The following FABP7 variants were observed in gnomAD, a reference collection of about 807,000 sequenced individuals.
FABP7 encodes the protein fatty acid-binding protein, brain.
In FABP7, 13 loss-of-function variants were observed where a neutral mutation model predicts 14.2. The ratio of observed to expected loss-of-function variants is 0.91; its 90% CI spans 0.59 to 1.45. The LOEUF is 1.45. Among genes scored for constraint, FABP7 ranks in the 40% most tolerant of loss-of-function variants. The pLI, the probability that FABP7 is intolerant of heterozygous loss-of-function variation, is 0.00. For synonymous variants in FABP7, 49 were observed against 51.4 expected (o/e 0.95, Z 0.20); for missense variants, 149 against 157.6 (o/e 0.95, Z 0.29).
At chr6:122,778,762 C>T (rs900745396), upstream of FABP7, among the ~76,000 whole-genome samples, 6 of 152,184 alleles carry the variant, frequency 3.9e-5, no homozygotes, top group Non-Finnish European at 7.3e-5. Flanking sequence ...TCCTCCAGTT[C>T]CTGCCCTTCC....
chr6:122,777,773 G>A (rs1295323624), upstream of FABP7, among the ~76,000 whole-genome samples: 3 of 151,908 alleles, frequency 2.0e-5, no homozygotes, highest in Non-Finnish European at 2.9e-5. Flanking sequence ...CACTTGAGTC[G>A]TGGAGGTTGC....
chr6:122,782,463 CTGTT>C, intron 3 of FABP7: 1 of 924,470 alleles, frequency 1.1e-6, no homozygotes, highest in Non-Finnish European at 1.3e-6. Flanking sequence ...ACTTTTTCCT[CTGTT>C]TTTGTCCTAA....
chr6:122,769,741 G>A, the FABP7 span, among the ~76,000 whole-genome samples: 1 of 152,040 alleles, frequency 6.6e-6, no homozygotes, highest in African/African-American at 2.4e-5. Flanking sequence ...TTAACAAATT[G>A]AGGAGTACAA....
At position 122,783,134 on chromosome 6, in the gene FABP7, A is replaced by G. The variant is rs147103128; in HGVS notation, c.349-583A>G. On this transcript the variant is annotated intron_variant, in intron 3 of 3. Coordinates refer to ENST00000368444, the MANE Select transcript of FABP7 (RefSeq NM_001446.5). ...TAAAGTGGTTTTATAATAACTCTTC[A>G]AGTTAGATTTGACATTAGAGTAATA... The G allele has an allele frequency of 1.1e-3, 1,084 of 985,424 alleles. 7 individuals are homozygous for G. The African/African-American group carries it at 0.015, about 14-fold the overall frequency. 61.0% of individuals were successfully genotyped at this position (985,424 alleles called of 1,614,324 possible).
chr6:122,771,065 GT>G, the FABP7 span, among the ~76,000 whole-genome samples: 1 of 152,184 alleles, frequency 6.6e-6, no homozygotes, highest in Non-Finnish European at 1.5e-5. Flanking sequence ...ATATGGTGTG[GT>G]TTTGGAATCA....
chr6:122,779,912 T>G, intron 1 of FABP7, 45 bp downstream of exon 1: 1 of 1,576,850 alleles, frequency 6.3e-7, no homozygotes, highest in Non-Finnish European at 8.7e-7. Flanking sequence ...ACGTGCAGCT[T>G]TAGATATTTG....
chr6:122,757,634 G>A, the FABP7 span, among the ~76,000 whole-genome samples: 1 of 151,882 alleles, frequency 6.6e-6, no homozygotes, highest in Non-Finnish European at 1.5e-5. Flanking sequence ...ATGAGAAGTT[G>A]AGTCAGTAAT....
chr6:122,774,293 T>C, the FABP7 span, among the ~76,000 whole-genome samples: 1 of 126,784 alleles, frequency 7.9e-6, no homozygotes, highest in Admixed American at 1.1e-4. Context: ...ACCTGAAAGG[T>C]GGAGATTGCA....
chr6:122,758,932 A>G, the FABP7 span, among the ~76,000 whole-genome samples: 1 of 152,228 alleles, frequency 6.6e-6, no homozygotes, highest in Non-Finnish European at 1.5e-5. Flanking sequence ...AGCAATTAGC[A>G]TGACTGCTTC....
the FABP7 span, among the ~76,000 whole-genome samples, chr6:122,753,421 C>T: frequency 7.2e-6 from 1 of 138,072 alleles, no homozygotes; most frequent in Admixed American, 7.0e-5. Context: ...TTCGCTCACA[C>T]TCAGTCTCAT....
upstream of FABP7, among the ~76,000 whole-genome samples, chr6:122,779,100 C>A (rs1040548983): frequency 2.6e-5 from 4 of 152,094 alleles, no homozygotes; most frequent in African/African-American, 9.7e-5. Flanking sequence ...TAGTGTGCTT[C>A]CTCATTGACA....
At chr6:122,757,544 A>T in the FABP7 span, among the ~76,000 whole-genome samples, 7 of 152,148 alleles carry the variant, frequency 4.6e-5, no homozygotes, top group Non-Finnish European at 8.8e-5. Flanking sequence ...TTAGCAAAAC[A>T]TTCAAATCCC....
the FABP7 span, among the ~76,000 whole-genome samples, chr6:122,752,359 G>A: frequency 6.6e-6 from 1 of 152,182 alleles, no homozygotes; most frequent in Admixed American, 6.5e-5. Flanking sequence ...ATGCATGCAT[G>A]CACTCTGTGG....
chr6:122,774,389 CAGAGAG>C, the FABP7 span, among the ~76,000 whole-genome samples: 1 of 127,746 alleles, frequency 7.8e-6, no homozygotes, highest in Non-Finnish European at 1.6e-5. Context: ...AAAAAAAAGA[CAGAGAG>C]AGAGAGAAAG....
At chr6:122,777,366 G>A (rs1780691952), upstream of FABP7, among the ~76,000 whole-genome samples, 1 of 151,980 alleles carries the variant, frequency 6.6e-6, no homozygotes, top group Non-Finnish European at 1.5e-5. Context: ...CCCACATACT[G>A]AGCAGACCCC....
At chr6:122,780,526 A>C (rs1356426070) in intron 2 of FABP7, 63 bp downstream of exon 2, 2 of 1,501,450 alleles carry the variant, frequency 1.3e-6, no homozygotes, top group East Asian at 2.3e-5. Context: ...AAAGATTTCC[A>C]ATGCATGTTT....
At chr6:122,781,005 AC>A (rs1780767125) in intron 2 of FABP7, 87 bp from the exon 3 acceptor site, 2 of 1,445,482 alleles carry the variant, frequency 1.4e-6, no homozygotes, top group Admixed American at 4.7e-5. Flanking sequence ...ATTCAATTAT[AC>A]AACTCTTTCA....
the FABP7 span, among the ~76,000 whole-genome samples, chr6:122,765,476 T>C: frequency 6.6e-6 from 1 of 152,052 alleles, no homozygotes; most frequent in Admixed American, 6.6e-5. Context: ...TTTTGTTTAT[T>C]GCATATATTT....
upstream of FABP7, among the ~76,000 whole-genome samples, chr6:122,777,929 G>A (rs545719228): frequency 6.6e-6 from 1 of 152,008 alleles, no homozygotes; most frequent in South Asian, 2.1e-4. Flanking sequence ...CTTTAACCAA[G>A]TGCAAATTAA....
Sources: gnomAD v4.1 joint callset for allele counts (sites outside exome capture counted in the v4.1 genomes callset) on GRCh38, gnomAD v4.1.1 for gene constraint, MANE v1.5 for transcripts, NCBI Gene and HGNC (gene_info 2026-07-23, HGNC 2026-07-21) for gene names.